RBFOX1: variants seen among roughly 807,000 people sequenced by gnomAD.
RBFOX1 encodes the protein RNA binding protein fox-1 homolog 1.
A neutral mutation model predicts 57.7 loss-of-function variants in RBFOX1; 8 were observed. The observed-to-expected ratio is 0.14, with a 90% CI of 0.08 to 0.25. RBFOX1 has a LOEUF of 0.25. RBFOX1 is among the 10% of genes least tolerant of loss of function. The pLI is 1.00. For missense variants in RBFOX1, 611 were observed against 548.5 expected (o/e 1.11, Z -1.14); for synonymous variants, 326 against 222.4 (o/e 1.47, Z -4.15).
chr16:7,114,419 A>G lies in RBFOX1; in HGVS notation c.27+62321A>G, dbSNP rs566727882. On this transcript the variant is annotated intron_variant, in intron 4 of 15. Transcript: ENST00000550418. ...AAGTATATGCTCACTGTACCCTTTAATAAAGGCACAGAAATGTACCGTGCA... is the reference window on the plus strand; with the variant it reads ...AAGTATATGCTCACTGTACCCTTTAGTAAAGGCACAGAAATGTACCGTGCA... Among the ~76,000 whole-genome samples the G allele has an allele frequency of 9.8e-5, 15 of 152,296 alleles. No homozygotes were observed. The East Asian group carries it at 2.1e-3, about 22-fold the overall frequency.
At chr16:6,237,723 A>G (rs1223462293) in intron 1 of RBFOX1, among the ~76,000 whole-genome samples, 1 of 152,162 alleles carries the variant, frequency 6.6e-6, no homozygotes, top group African/African-American at 2.4e-5. Flanking sequence ...CCTGGGCGAC[A>G]GAGTGAGACT....
intron 2 of RBFOX1, among the ~76,000 whole-genome samples, chr16:6,650,138 C>G (rs937584875): frequency 3.9e-5 from 6 of 152,266 alleles, no homozygotes; most frequent in Non-Finnish European, 5.9e-5. Context: ...TTTTGAGAAG[C>G]CTCCACACCG....
chr16:5,448,793 C>G (rs962850808), intron 1 of RBFOX1, among the ~76,000 whole-genome samples: 2 of 152,162 alleles, frequency 1.3e-5, no homozygotes, highest in African/African-American at 4.8e-5. Context: ...AATTCGGTGC[C>G]CAGCATTGCT....
intron 3 of RBFOX1, among the ~76,000 whole-genome samples, chr16:6,935,475 C>G (rs748971228): frequency 3.9e-5 from 6 of 152,178 alleles, no homozygotes; most frequent in Admixed American, 1.3e-4. Context: ...TGAATGATTA[C>G]TGTTGTCTTA....
At chr16:7,076,702 C>T (rs1235408840) in intron 4 of RBFOX1, among the ~76,000 whole-genome samples, 1 of 152,094 alleles carries the variant, frequency 6.6e-6, no homozygotes, top group Non-Finnish European at 1.5e-5. Context: ...TTCTAAATAC[C>T]ACCTTCCCAT....
chr16:6,714,041 T>C (rs778658811), intron 3 of RBFOX1, among the ~76,000 whole-genome samples: 15 of 152,214 alleles, frequency 9.9e-5, no homozygotes, highest in African/African-American at 3.1e-4. Flanking sequence ...GGAAGAGAAG[T>C]CATTGGATTG....
intron 3 of RBFOX1, among the ~76,000 whole-genome samples, chr16:6,945,955 A>G (rs546692657): frequency 2.6e-5 from 4 of 152,298 alleles, no homozygotes; most frequent in African/African-American, 7.2e-5. Flanking sequence ...ATTTCAAGGC[A>G]TTCTGCCTCA....
intron 4 of RBFOX1, among the ~76,000 whole-genome samples, chr16:7,441,339 G>A (rs757747068): frequency 3.3e-5 from 5 of 152,164 alleles, no homozygotes; most frequent in African/African-American, 1.2e-4. Context: ...AAATGCCTTG[G>A]AAACTAAAAA....
intron 4 of RBFOX1, among the ~76,000 whole-genome samples, chr16:7,399,554 T>C (rs1483102211): frequency 1.3e-5 from 2 of 152,218 alleles, no homozygotes; most frequent in African/African-American, 2.4e-5. Flanking sequence ...ATACCCTGGC[T>C]CTCTTTTAGC....
chr16:6,718,004 C>T (rs547212041), intron 3 of RBFOX1, among the ~76,000 whole-genome samples: 1 of 152,112 alleles, frequency 6.6e-6, no homozygotes, highest in African/African-American at 2.4e-5. Context: ...TTTCTACCAC[C>T]ACCACCGTCA....
intron 4 of RBFOX1, among the ~76,000 whole-genome samples, chr16:7,215,759 C>T (rs1028620867): frequency 5.1e-5 from 7 of 138,436 alleles, no homozygotes; most frequent in African/African-American, 2.0e-4. Flanking sequence ...GAGTCTTGCT[C>T]TGTTGTCCAG....
At chr16:7,686,742 G>A (rs112198404) in intron 14 of RBFOX1, among the ~76,000 whole-genome samples, 5 of 152,174 alleles carry the variant, frequency 3.3e-5, no homozygotes, top group African/African-American at 1.2e-4. Flanking sequence ...TTGGAATACA[G>A]CTTATATGCA....
intron 12 of RBFOX1, 121 bp from the exon 13 acceptor site, chr16:7,664,808 A>G (rs748559507): frequency 6.3e-7 from 1 of 1,576,356 alleles, no homozygotes; most frequent in Non-Finnish European, 8.7e-7. Context: ...TGTGAAAACG[A>G]TCCTCGGTTC....
intron 3 of RBFOX1, among the ~76,000 whole-genome samples, chr16:5,851,529 G>T (rs2056897043): frequency 6.6e-6 from 1 of 152,214 alleles, no homozygotes; most frequent in East Asian, 1.9e-4. Flanking sequence ...CACTGGGCAG[G>T]ACGAGGTAAT....
intron 5 of RBFOX1, among the ~76,000 whole-genome samples, chr16:7,526,842 C>G (rs2078818536): frequency 6.6e-6 from 1 of 152,230 alleles, no homozygotes; most frequent in Non-Finnish European, 1.5e-5. Flanking sequence ...CTGAAGGTCA[C>G]TGTGGCTGAG....
chr16:6,321,909 T>G (rs8047042), intron 2 of RBFOX1, among the ~76,000 whole-genome samples: 4,571 of 152,294 alleles, frequency 0.03, 212 homozygotes, highest in African/African-American at 0.1. Context: ...TCTAATGCCA[T>G]ATGCAGCACA....
At chr16:6,489,897 C>G (rs1449126298) in intron 2 of RBFOX1, among the ~76,000 whole-genome samples, 1 of 151,430 alleles carries the variant, frequency 6.6e-6, no homozygotes, top group African/African-American at 2.4e-5. Context: ...CCATTTTATC[C>G]CCTACTTAAT....
chr16:6,304,521 C>G (rs1002341835), intron 1 of RBFOX1, among the ~76,000 whole-genome samples: 3 of 152,010 alleles, frequency 2.0e-5, no homozygotes, highest in African/African-American at 7.3e-5. Context: ...CCCTACAGAG[C>G]CGTATGCCTG....
chr16:7,207,402 A>G (rs142438493), intron 4 of RBFOX1, among the ~76,000 whole-genome samples: 320 of 152,260 alleles, frequency 2.1e-3, no homozygotes, highest in African/African-American at 7.1e-3. Context: ...GTTCACATGA[A>G]TGGTAGAGAG....
Sources: allele counts gnomAD v4.1 joint callset (sites outside exome capture counted in the v4.1 genomes callset), GRCh38; gene constraint gnomAD v4.1.1; transcripts MANE v1.5; gene names NCBI Gene and HGNC (gene_info 2026-07-23, HGNC 2026-07-21).